TAF6L: variants seen among roughly 807,000 people sequenced by gnomAD.
TAF6L encodes TAF6-like RNA polymerase II p300/CBP-associated factor-associated factor 65 kDa subunit 6L.
TAF6L carries 34 observed loss-of-function variants against 57.3 expected under a neutral mutation model. The observed-to-expected ratio is 0.59, with a 90% CI of 0.45 to 0.79. The LOEUF is 0.79. Among genes scored for constraint, TAF6L ranks in the 30% least tolerant of loss-of-function variants. The probability of loss-of-function intolerance (pLI) is 0.00; values close to 1 mark genes in which losing one functional copy is unlikely to be tolerated. For synonymous variants in TAF6L, 417 were observed against 376.3 expected (o/e 1.11, Z -1.25); for missense variants, 782 against 853.2 (o/e 0.92, Z 1.04).
chr11:62,773,054 G>C (rs573320746), intron 1 of TAF6L, among the ~76,000 whole-genome samples: 1 of 151,712 alleles, frequency 6.6e-6, no homozygotes, highest in East Asian at 2.0e-4. Flanking sequence ...TGTTAGCCAG[G>C]ATGGTCTTCA....
rs191185283 is a variant in TAF6L at position 62,781,500 on chromosome 11, C to T, written c.532-394C>T. ...CATCCTGGCTAACACGGTGAAACCC[C>T]GTCTCTACTAAAAAATAGAAAAAAT... On this transcript the variant is annotated intron_variant, in intron 6 of 10. Transcript: ENST00000294168. Among the ~76,000 whole-genome samples the T allele has an allele frequency of 1.1e-3, 170 of 151,618 alleles. 3 individuals are homozygous for T. Among genetic ancestry groups the T allele is most frequent in the African/African-American group, 3.8e-3 (157 of 41,378 alleles).
chr11:62,775,468 A>C lies in TAF6L; in HGVS notation c.-13-303A>C, dbSNP rs569019258. ...AATTATTGTGCCTGTTTTACAGTTT[A>C]GGACACAAGGGCTCAGACTGATGAA... On this transcript the variant is annotated intron_variant, in intron 1 of 10. Transcript: ENST00000294168. Among the ~76,000 whole-genome samples the C allele has an allele frequency of 4.6e-5, 7 of 152,370 alleles. No homozygotes were observed. The South Asian group carries it at 1.4e-3, about 32-fold the overall frequency.
intron 3 of TAF6L, 58 bp downstream of exon 3, chr11:62,776,528 GT>G (rs2084189542): frequency 2.6e-6 from 4 of 1,551,626 alleles, no homozygotes; most frequent in African/African-American, 1.4e-5. Context: ...TCCATGTCCA[GT>G]TCAGGGCTGG....
chr11:62,783,736 T>G (rs1266120097), intron 9 of TAF6L, among the ~76,000 whole-genome samples: 2 of 151,682 alleles, frequency 1.3e-5, no homozygotes, highest in Non-Finnish European at 2.9e-5. Context: ...TTTCATCATG[T>G]TAGCCAGGCT....
chr11:62,778,210 G>A, intron 4 of TAF6L, 75 bp from the exon 5 acceptor site: 2 of 1,613,532 alleles, frequency 1.2e-6, no homozygotes, highest in South Asian at 1.1e-5. Flanking sequence ...GGTGGAAGAG[G>A]CAGAACTTGG....
At position 62,782,813 on chromosome 11, in the gene TAF6L, T is replaced by C. The variant is rs2134717933; in HGVS notation, c.948T>C (p.Ala316=). The change falls in exon 9 of 11, where the codon GCT becomes GCC. Residue 316 remains alanine, a synonymous_variant. Coordinates refer to ENST00000294168, the MANE Select transcript of TAF6L (RefSeq NM_006473.4). ...ATGGAGCCGTGGTGGGGCTGCATGCTCTTGGCTGGAAGGTGAGCACCCTGG... is the reference window on the plus strand; with the variant it reads ...ATGGAGCCGTGGTGGGGCTGCATGCCCTTGGCTGGAAGGTGAGCACCCTGG... The part of the protein sequence containing the change: ...CHYGAVVGLH[A]LGWKAVERVL... 1 of 1,614,048 alleles carries C rather than the reference T, an allele frequency of 6.2e-7. No homozygotes were observed. Among genetic ancestry groups the C allele is most frequent in the Non-Finnish European group, 8.5e-7 (1 of 1,180,016 alleles).
At chr11:62,772,513 A>ACATCAGACATCATCT (rs1403401501) in intron 1 of TAF6L, among the ~76,000 whole-genome samples, 2 of 144,644 alleles carry the variant, frequency 1.4e-5, no homozygotes, top group East Asian at 2.1e-4. Flanking sequence ...ACAGAGCGAG[A>ACATCAGACATCATCT]CTGTGTCTCC....
intron 6 of TAF6L, among the ~76,000 whole-genome samples, chr11:62,780,345 T>C (rs575353769): frequency 1.3e-5 from 2 of 151,002 alleles, no homozygotes; most frequent in African/African-American, 4.9e-5. Flanking sequence ...ACCCCGTCTC[T>C]ACTAAAAATA....
At chr11:62,777,939 C>T (rs1415758390) in intron 3 of TAF6L, 39 bp from the exon 4 acceptor site, 1 of 1,608,106 alleles carries the variant, frequency 6.2e-7, no homozygotes, top group Admixed American at 1.7e-5. Flanking sequence ...CTGCTCCCTC[C>T]CTGGATTCAG....
rs770933367 is a variant in TAF6L at position 62,786,363 on chromosome 11, G to C, written c.1064G>C (p.Gly355Ala). Reference sequence around the variant, plus strand: ...TCTAATGCCCAGGTCAAAGCAGATGGACACAAAGTCTATGGAGCCATTCTG... The same window carrying C: ...TCTAATGCCCAGGTCAAAGCAGATGCACACAAAGTCTATGGAGCCATTCTG... ...SVSNAQVKADGHKVYGAILVA... is the reference protein window; with the variant it reads ...SVSNAQVKADAHKVYGAILVA... The change falls in exon 10 of 11, where the codon GGA becomes GCA. Residue 355 changes from glycine to alanine, a missense_variant. Transcript: ENST00000294168. 2.5e-6 allele frequency: 4 copies of C among 1,614,036 alleles called. No individual in the cohort carries two copies. In the East Asian group the frequency reaches 8.9e-5, roughly 36 times the overall value.
At chr11:62,779,294 A>G (rs1354684380) in intron 6 of TAF6L, among the ~76,000 whole-genome samples, 2 of 152,112 alleles carry the variant, frequency 1.3e-5, no homozygotes, top group African/African-American at 2.4e-5. Context: ...TCCTGGGTTC[A>G]TGCCATTCTC....
At chr11:62,783,535 CTTT>C (rs1342686734) in intron 9 of TAF6L, among the ~76,000 whole-genome samples, 2 of 133,882 alleles carry the variant, frequency 1.5e-5, no homozygotes. Context: ...GAGGGAGGAT[CTTT>C]TTTTTTTTTT....
chr11:62,781,749 T>C, intron 6 of TAF6L, 145 bp from the exon 7 acceptor site: 3 of 738,088 alleles, frequency 4.1e-6, no homozygotes, highest in South Asian at 1.6e-5. Context: ...GTTACATTTA[T>C]AGAAATAGAA....
intron 9 of TAF6L, 62 bp from the exon 10 acceptor site, chr11:62,786,198 G>T: frequency 6.4e-7 from 1 of 1,559,178 alleles, no homozygotes; most frequent in African/African-American, 1.3e-5. Context: ...TCATGGGAAA[G>T]GGTCCTTGAG....
chr11:62,782,889 T>G (rs1449519111), intron 9 of TAF6L, 64 bp downstream of exon 9: 7 of 1,589,108 alleles, frequency 4.4e-6, no homozygotes, highest in Non-Finnish European at 6.0e-6. Flanking sequence ...AAAATAGTAC[T>G]TGTGCATCGT....
Position 62,786,628 on chromosome 11 carries a change from C to G in TAF6L, c.1201C>G (p.Leu401Val). Residue 401 changes from leucine to valine, a missense_variant, in exon 11 of 11, where the codon CTC (leucine) becomes GTC (valine). Transcript: ENST00000294168. ...RLDDLPWDSL[L>V]FQESSSGGGA... ...GGACGACCTGCCATGGGACAGCCTTCTCTTTCAAGAGTCGTCCTCCGGGGG... is the reference window on the plus strand; with the variant it reads ...GGACGACCTGCCATGGGACAGCCTTGTCTTTCAAGAGTCGTCCTCCGGGGG... 6.2e-7 allele frequency: 1 copy of G among 1,602,086 alleles called. No homozygotes were observed. Among genetic ancestry groups the G allele is most frequent in the African/African-American group, 1.3e-5 (1 of 74,594 alleles).
intron 9 of TAF6L, 67 bp downstream of exon 9, chr11:62,782,892 T>C: frequency 6.3e-7 from 1 of 1,587,244 alleles, no homozygotes; most frequent in Admixed American, 1.7e-5. Context: ...ATAGTACTTG[T>C]GCATCGTTAT....
chr11:62,777,917 G>A (rs1374515615), intron 3 of TAF6L, 61 bp from the exon 4 acceptor site: 1 of 1,584,260 alleles, frequency 6.3e-7, no homozygotes, highest in Non-Finnish European at 8.6e-7. Flanking sequence ...GCCTCATCCT[G>A]GATCCTGACG....
At chr11:62,777,893 C>G in intron 3 of TAF6L, 85 bp from the exon 4 acceptor site, 1 of 1,502,490 alleles carries the variant, frequency 6.7e-7, no homozygotes, top group Non-Finnish European at 9.0e-7. Flanking sequence ...GGGCTCTCTG[C>G]TCTGGTCAGT....
Sources: gnomAD v4.1 joint callset for allele counts (sites outside exome capture counted in the v4.1 genomes callset) on GRCh38, gnomAD v4.1.1 for gene constraint, MANE v1.5 for transcripts, NCBI Gene and HGNC (gene_info 2026-07-23, HGNC 2026-07-21) for gene names.